Variants in UBE4A observed in about 807,000 individuals in gnomAD.
UBE4A encodes ubiquitination factor E4A.
UBE4A carries 48 observed loss-of-function variants against 117.9 expected under a neutral mutation model. The ratio of observed to expected loss-of-function variants is 0.41; its 90% CI spans 0.32 to 0.52. The LOEUF (loss-of-function observed/expected upper bound fraction) is 0.52, where lower values mean the gene tolerates loss of function less well. Among genes scored for constraint, UBE4A ranks in the 20% least tolerant of loss-of-function variants. The pLI is 0.33. For synonymous variants in UBE4A, 407 were observed against 450.0 expected, an observed-to-expected ratio of 0.90 and a Z score of 1.21; for missense variants, 1,067 against 1,296.3, an observed-to-expected ratio of 0.82 and a Z score of 2.72.
intron 11 of UBE4A, 50 bp downstream of exon 11, chr11:118,379,800 A>G: frequency 3.9e-6 from 6 of 1,551,988 alleles, no homozygotes; most frequent in Non-Finnish European, 5.2e-6. Context: ...TTCTGAGTTT[A>G]AGTGGGTCAC....
At chr11:118,392,935 A>G in intron 19 of UBE4A, 40 bp downstream of exon 19, 2 of 1,588,362 alleles carry the variant, frequency 1.3e-6, no homozygotes, top group Non-Finnish European at 1.7e-6. Context: ...GCATATATAT[A>G]TATTAGTTTG....
chr11:118,397,650 A>G lies in UBE4A; in HGVS notation c.*1210A>G, dbSNP rs556110770. On this transcript the variant is annotated 3_prime_UTR_variant, in exon 20 of 20. Coordinates refer to ENST00000252108, the MANE Select transcript of UBE4A (RefSeq NM_001204077.2). Reference sequence around the variant, plus strand: ...GTGCAGCTTAATATGCTGACTAGGGACATTCCCCTATGGATTATCTTTATA... The same window carrying G: ...GTGCAGCTTAATATGCTGACTAGGGGCATTCCCCTATGGATTATCTTTATA... The G allele has an allele frequency of 6.6e-6, 1 of 152,324 alleles. No homozygotes were observed. Among genetic ancestry groups the G allele is most frequent in the Non-Finnish European group, 1.5e-5 (1 of 68,016 alleles). The allele number at this position is 152,324 out of a possible 1,614,324, so 9.4% of individuals were successfully genotyped here.
At chr11:118,376,505 TTGAA>T (rs1259547209) in intron 9 of UBE4A, 65 bp from the exon 10 acceptor site, 3 of 1,561,476 alleles carry the variant, frequency 1.9e-6, no homozygotes, top group Non-Finnish European at 1.7e-6. Flanking sequence ...AGTATGGAAA[TTGAA>T]TGAGTGTAAG....
chr11:118,364,933 A>G (rs906948814), intron 1 of UBE4A, 107 bp from the exon 2 acceptor site: 5 of 1,121,866 alleles, frequency 4.5e-6, no homozygotes, highest in Non-Finnish European at 5.9e-6. Flanking sequence ...AACCCAAAGT[A>G]TTTTAAAATG....
Position 118,382,782 on chromosome 11 carries a change from G to A in UBE4A, c.2197+6G>A, listed in dbSNP as rs1555126568. The A allele has an allele frequency of 1.3e-6, 2 of 1,568,696 alleles. No homozygotes were observed. Among genetic ancestry groups the A allele is most frequent in the East Asian group, 2.3e-5 (1 of 43,214 alleles). ...TGTGGACATCGAATTTACAGGTAAA[G>A]CAGTCATGAAGCTGAGCCCAGAACT... On this transcript the variant is annotated splice_donor_region_variant and intron_variant, in intron 13 of 19. Transcript: ENST00000252108.
chr11:118,365,458 G>C (rs1948555500), intron 2 of UBE4A, among the ~76,000 whole-genome samples: 1 of 152,108 alleles, frequency 6.6e-6, no homozygotes, highest in South Asian at 2.1e-4. Context: ...CATAGTAACA[G>C]ATGCCAGTCG....
intron 4 of UBE4A, among the ~76,000 whole-genome samples, chr11:118,370,215 C>G (rs988132320): frequency 6.6e-6 from 1 of 152,186 alleles, no homozygotes; most frequent in African/African-American, 2.4e-5. Flanking sequence ...TCTCATGTTG[C>G]GGCTTTCTTA....
At chr11:118,386,006 A>G (rs1948753823) in intron 15 of UBE4A, among the ~76,000 whole-genome samples, 1 of 152,208 alleles carries the variant, frequency 6.6e-6, no homozygotes, top group Admixed American at 6.5e-5. Context: ...TCTTCCACGC[A>G]TCTTGCATAT....
At chr11:118,362,211 C>G (rs1018195517) in intron 1 of UBE4A, among the ~76,000 whole-genome samples, 1 of 152,204 alleles carries the variant, frequency 6.6e-6, no homozygotes, top group African/African-American at 2.4e-5. Flanking sequence ...CAACCTCCGC[C>G]TCCCAGGTTC....
intron 16 of UBE4A, 136 bp downstream of exon 16, chr11:118,386,748 A>G: frequency 2.0e-6 from 2 of 1,014,216 alleles, no homozygotes; most frequent in Non-Finnish European, 2.7e-6. Flanking sequence ...GAAACGAATC[A>G]CTTGAGAAGC....
chr11:118,376,760 G>GAGTCTTTGGCC, intron 10 of UBE4A, 66 bp downstream of exon 10: 1 of 1,570,772 alleles, frequency 6.4e-7, no homozygotes, highest in Non-Finnish European at 8.7e-7. Flanking sequence ...GGTAGAAATT[G>GAGTCTTTGGCC]AGTCTTTGGC....
intron 1 of UBE4A, among the ~76,000 whole-genome samples, chr11:118,364,431 G>A (rs938049147): frequency 6.6e-6 from 1 of 152,056 alleles, no homozygotes; most frequent in African/African-American, 2.4e-5. Flanking sequence ...GTATTTTTAA[G>A]CCTAGAAATA....
At chr11:118,383,826 T>C (rs1401518848) in intron 13 of UBE4A, among the ~76,000 whole-genome samples, 1 of 152,218 alleles carries the variant, frequency 6.6e-6, no homozygotes, top group African/African-American at 2.4e-5. Flanking sequence ...TGGTTTTTTT[T>C]AATTCGCTCA....
At chr11:118,395,833 G>A (rs1948865967) in intron 19 of UBE4A, among the ~76,000 whole-genome samples, 1 of 152,210 alleles carries the variant, frequency 6.6e-6, no homozygotes, top group South Asian at 2.1e-4. Context: ...AGCGCACTTT[G>A]GGAGGCCAAG....
At chr11:118,361,364 T>G (rs1413548400) in intron 1 of UBE4A, among the ~76,000 whole-genome samples, 1 of 152,186 alleles carries the variant, frequency 6.6e-6, no homozygotes, top group Non-Finnish European at 1.5e-5. Flanking sequence ...TATTGAATAT[T>G]AAACAAAATA....
intron 18 of UBE4A, 109 bp downstream of exon 18, chr11:118,390,913 G>GATC (rs1948809578): frequency 1.4e-6 from 2 of 1,398,802 alleles, no homozygotes; most frequent in South Asian, 2.5e-5. Context: ...AAGGCTAGAG[G>GATC]ATCACTTAAG....
chr11:118,373,898 G>A (rs1347232098), intron 8 of UBE4A, among the ~76,000 whole-genome samples: 1 of 152,138 alleles, frequency 6.6e-6, no homozygotes, highest in Non-Finnish European at 1.5e-5. Context: ...CTTGAGCCCA[G>A]GAGTTCAATT....
At chr11:118,395,808 C>T (rs78799967) in intron 19 of UBE4A, among the ~76,000 whole-genome samples, 2,319 of 152,246 alleles carry the variant, frequency 0.015, 29 homozygotes, top group Non-Finnish European at 0.024. Context: ...GTGGGTGGCT[C>T]ACGCCTGTAA....
At position 118,399,114 on chromosome 11, in the gene UBE4A, T is replaced by G; in HGVS notation, c.*2674T>G. ...TGAAATAAAACTTGATCAACGCGAC[T>G]GTATTTTGAAACATTCCAGGAAGGT... is the stretch of plus-strand genomic sequence containing the variant. On this transcript the variant is annotated 3_prime_UTR_variant, in exon 20 of 20. Transcript: ENST00000252108. 2.2e-6 allele frequency: 1 copy of G among 454,506 alleles called. No individual in the cohort carries two copies. Among genetic ancestry groups the G allele is most frequent in the Non-Finnish European group, 4.4e-6 (1 of 225,808 alleles). 28.2% of individuals were successfully genotyped at this position (454,506 alleles called of 1,614,324 possible).
Sources: allele counts gnomAD v4.1 joint callset (sites outside exome capture counted in the v4.1 genomes callset), GRCh38; gene constraint gnomAD v4.1.1; transcripts MANE v1.5; gene names NCBI Gene and HGNC (gene_info 2026-07-23, HGNC 2026-07-21).